PXDNL: variants seen among roughly 807,000 people sequenced by gnomAD.
The protein encoded by PXDNL is probable oxidoreductase PXDNL.
PXDNL carries 145 observed loss-of-function variants against 150.8 expected under a neutral mutation model. The observed-to-expected ratio is 0.96, with a 90% CI of 0.84 to 1.10. PXDNL has a LOEUF of 1.10. Among genes scored for constraint, PXDNL ranks in the 50% least tolerant of loss-of-function variants. The probability of loss-of-function intolerance (pLI) is 0.00; values close to 1 mark genes in which losing one functional copy is unlikely to be tolerated. For synonymous variants in PXDNL, 757 were observed against 725.7 expected (o/e 1.04, Z -0.69); for missense variants, 2,087 against 1,873.9 (o/e 1.11, Z -2.10).
At position 51,389,649 on chromosome 8, in the gene PXDNL, G is replaced by A. The variant is rs1807830156; in HGVS notation, c.3558-14918C>T. 2.6e-5 allele frequency among the ~76,000 whole-genome samples: 4 copies of A among 152,274 alleles called. No individual in the cohort carries two copies. The South Asian group carries it at 8.3e-4, about 32-fold the overall frequency. On this transcript the variant is annotated intron_variant, in intron 17 of 22. Transcript: ENST00000356297. ...GCACATTCATTCCTGATTTCTCCCT[G>A]GCTTTTAAGTTTCCTTGTCCTTTGT... is the stretch of plus-strand genomic sequence containing the variant.
At chr8:51,528,609 G>C (rs1811815252) in intron 4 of PXDNL, among the ~76,000 whole-genome samples, 1 of 152,114 alleles carries the variant, frequency 6.6e-6, no homozygotes, top group Admixed American at 6.6e-5. Flanking sequence ...AGATTATCTT[G>C]GATTATCTGG....
At chr8:51,750,103 C>G (rs1187045213) in intron 1 of PXDNL, among the ~76,000 whole-genome samples, 1 of 152,114 alleles carries the variant, frequency 6.6e-6, no homozygotes. Flanking sequence ...ACATTTTTAT[C>G]CTTGTGTAAC....
At position 51,374,728 on chromosome 8, in the gene PXDNL, C is replaced by A. The variant is rs778529025; in HGVS notation, c.3561G>T (p.Leu1187Phe). The A allele has an allele frequency of 6.2e-7, 1 of 1,613,698 alleles. No homozygotes were observed. The highest frequency in any genetic ancestry group is 8.5e-7 in the Non-Finnish European group (1 of 1,179,750). Reference protein sequence around the residue: ...DSEIRQKLRKLYGSPGDIDLW... With the variant: ...DSEIRQKLRKFYGSPGDIDLW... The stretch of plus-strand genomic sequence containing the variant: ...GGTCAATGTCACCTGGAGAGCCGTA[C>A]AACCTGGAACAGAGACAGGCAGACA... The change falls in exon 18 of 23, where the codon TTG (leucine) becomes TTT (phenylalanine). Residue 1187 changes from leucine to phenylalanine, a missense_variant. By Grantham distance (22) the Leu-to-Phe change is conservative (BLOSUM62 0). Transcript: ENST00000356297.
At chr8:51,460,354 C>A (rs1394704730) in intron 8 of PXDNL, among the ~76,000 whole-genome samples, 2 of 148,670 alleles carry the variant, frequency 1.3e-5, no homozygotes, top group Admixed American at 1.4e-4. Flanking sequence ...ATCATATTTA[C>A]CATGTTTACT....
chr8:51,357,706 G>A (rs1806557899), intron 19 of PXDNL, among the ~76,000 whole-genome samples: 2 of 152,168 alleles, frequency 1.3e-5, no homozygotes, highest in Non-Finnish European at 2.9e-5. Flanking sequence ...AGGATGCCTA[G>A]GGAAGAAAGG....
chr8:51,531,174 A>C (rs561976953), intron 4 of PXDNL, among the ~76,000 whole-genome samples: 25 of 152,278 alleles, frequency 1.6e-4, no homozygotes, highest in African/African-American at 5.8e-4. Context: ...ATGCCCCCAA[A>C]AGTGTGTCAG....
At chr8:51,473,357 G>A (rs1810393059) in intron 7 of PXDNL, among the ~76,000 whole-genome samples, 1 of 149,692 alleles carries the variant, frequency 6.7e-6, no homozygotes, top group African/African-American at 2.5e-5. Context: ...GAAAATAAAC[G>A]ATGTTTTGAT....
At chr8:51,521,433 A>C (rs1482872988) in intron 4 of PXDNL, among the ~76,000 whole-genome samples, 7 of 152,164 alleles carry the variant, frequency 4.6e-5, no homozygotes, top group African/African-American at 1.4e-4. Flanking sequence ...ACTTGAAAAA[A>C]GTCAACAAAA....
At chr8:51,483,850 G>A (rs1810661271) in intron 5 of PXDNL, 136 bp from the exon 6 acceptor site, 2 of 600,822 alleles carry the variant, frequency 3.3e-6, no homozygotes, top group African/African-American at 3.8e-5. Context: ...AGAAGTCAGA[G>A]TGTCATTTAT....
intron 14 of PXDNL, among the ~76,000 whole-genome samples, chr8:51,417,004 A>T (rs1808816704): frequency 6.6e-6 from 1 of 152,126 alleles, no homozygotes. Context: ...GTTTTGTTTG[A>T]TTTGGTACAA....
chr8:51,372,076 C>A lies in PXDNL; in HGVS notation c.3698G>T (p.Trp1233Leu), dbSNP rs1367985473. 1.9e-6 allele frequency: 3 copies of A among 1,570,424 alleles called. No homozygotes were observed. Among genetic ancestry groups the A allele is most frequent in the African/African-American group, 1.4e-5 (1 of 73,940 alleles). The change falls in exon 19 of 23, where the codon TGG becomes TTG. Residue 1233 changes from tryptophan to leucine, a missense_variant. Trp to Leu is a moderately conservative substitution (Grantham distance 61). Coordinates refer to ENST00000356297, the MANE Select transcript of PXDNL (RefSeq NM_144651.5). The stretch of plus-strand genomic sequence containing the variant: ...GGTAAATACTCCAGGGTTTTCATAC[C>A]AGAACCTGGTAGTCAACCAAAAAAA... ...FQRLRDGDRFWYENPGVFTPA... is the reference protein window; with the variant it reads ...FQRLRDGDRFLYENPGVFTPA...
intron 2 of PXDNL, among the ~76,000 whole-genome samples, chr8:51,625,751 G>T (rs2130743949): frequency 6.6e-6 from 1 of 152,258 alleles, no homozygotes; most frequent in Middle Eastern, 3.4e-3. Flanking sequence ...ATTAAAATCA[G>T]CATTGAAATG....
chr8:51,450,504 C>A (rs1452278669), intron 10 of PXDNL, among the ~76,000 whole-genome samples: 2 of 152,270 alleles, frequency 1.3e-5, no homozygotes, highest in Non-Finnish European at 2.9e-5. Flanking sequence ...ATTCCTACTA[C>A]CCCCTTCTTT....
chr8:51,570,842 C>T (rs1812917165), intron 3 of PXDNL, among the ~76,000 whole-genome samples: 1 of 151,710 alleles, frequency 6.6e-6, no homozygotes, highest in African/African-American at 2.4e-5. Flanking sequence ...TAATTCAATA[C>T]ATTCAAAATT....
intron 1 of PXDNL, among the ~76,000 whole-genome samples, chr8:51,729,918 G>A (rs960382835): frequency 6.6e-6 from 1 of 152,188 alleles, no homozygotes; most frequent in Admixed American, 6.5e-5. Flanking sequence ...TGGCATTCAG[G>A]AAAAGGCAAA....
intron 3 of PXDNL, among the ~76,000 whole-genome samples, chr8:51,560,617 A>G (rs1361963061): frequency 6.6e-6 from 1 of 151,966 alleles, no homozygotes; most frequent in Non-Finnish European, 1.5e-5. Context: ...GAAAAGAATA[A>G]AACTGGAACC....
chr8:51,776,272 T>A (rs2037352373), intron 1 of PXDNL, among the ~76,000 whole-genome samples: 1 of 152,144 alleles, frequency 6.6e-6, no homozygotes, highest in Non-Finnish European at 1.5e-5. Flanking sequence ...TTTATCACCT[T>A]GTGAAGCATG....
intron 13 of PXDNL, among the ~76,000 whole-genome samples, chr8:51,425,226 T>C (rs1563406975): frequency 1.3e-5 from 2 of 152,216 alleles, no homozygotes; most frequent in Admixed American, 1.3e-4. Flanking sequence ...GGCGTTTCTA[T>C]CGCTGGTAGC....
Position 51,481,155 on chromosome 8 carries a change from G to A in PXDNL, c.524+2488C>T, listed in dbSNP as rs547856253. On this transcript the variant is annotated intron_variant, in intron 6 of 22. Transcript: ENST00000356297. The stretch of plus-strand genomic sequence containing the variant: ...AGATGTGGGAAAGCTTGGAACCTCC[G>A]AGAGACTTGTTTAATGGCTTTGACC... 2.0e-4 allele frequency among the ~76,000 whole-genome samples: 31 copies of A among 152,278 alleles called. No homozygotes were observed. The South Asian group carries it at 3.7e-3, about 18-fold the overall frequency.
Sources: allele counts gnomAD v4.1 joint callset (sites outside exome capture counted in the v4.1 genomes callset), GRCh38; gene constraint gnomAD v4.1.1; transcripts MANE v1.5; gene names NCBI Gene and HGNC (gene_info 2026-07-23, HGNC 2026-07-21).